SLC25A24: variants seen among roughly 807,000 people sequenced by gnomAD.
SLC25A24 encodes the protein solute carrier family 25 member 24.
In SLC25A24, 49 loss-of-function variants were observed where a neutral mutation model predicts 60.7. The observed-to-expected ratio is 0.81, with a 90% CI of 0.64 to 1.02. SLC25A24 has a LOEUF of 1.02. Ranked by LOEUF, SLC25A24 falls within the 50% of genes least tolerant of loss-of-function variation. The pLI is 0.00. For missense variants in SLC25A24, 564 were observed against 586.3 expected, an observed-to-expected ratio of 0.96 and a Z score of 0.39; for synonymous variants, 202 against 200.6, an observed-to-expected ratio of 1.01 and a Z score of -0.06.
Position 108,155,433 on chromosome 1 carries a change from A to G in SLC25A24, c.670-298T>C, listed in dbSNP as rs111566693. On this transcript the variant is annotated intron_variant, in intron 5 of 9. Transcript: ENST00000565488. ...CAACCTTCATAAGATAATATTAACT[A>G]AATTATGTATCAGGCAATGGAACAC... Among the ~76,000 whole-genome samples the G allele has an allele frequency of 5.5e-3, 836 of 152,186 alleles. 7 individuals are homozygous for G. The highest frequency in any genetic ancestry group is 0.02 in the African/African-American group (818 of 41,528).
At position 108,151,157 on chromosome 1, in the gene SLC25A24, C is replaced by A. The variant is rs575389632; in HGVS notation, c.823-2771G>T. ...CAGAGGTTGCAGTGAGATGAGATTG[C>A]ACCACTTTACTCCAGCCTGGGTGAT... On this transcript the variant is annotated intron_variant, in intron 6 of 9. Coordinates refer to ENST00000565488, the MANE Select transcript of SLC25A24 (RefSeq NM_013386.5). Among the ~76,000 whole-genome samples the A allele has an allele frequency of 5.3e-5, 8 of 152,172 alleles. No individual in the cohort carries two copies. In the East Asian group the frequency reaches 1.5e-3, roughly 29 times the overall value.
At chr1:108,189,923 C>T (rs887107417) in intron 1 of SLC25A24, among the ~76,000 whole-genome samples, 1 of 150,778 alleles carries the variant, frequency 6.6e-6, no homozygotes, top group African/African-American at 2.4e-5. Context: ...TCAATATTAC[C>T]CACAGTTTCA....
chr1:108,163,965 C>A (rs1311766321), intron 3 of SLC25A24, among the ~76,000 whole-genome samples: 1 of 152,182 alleles, frequency 6.6e-6, no homozygotes, highest in Non-Finnish European at 1.5e-5. Flanking sequence ...AGATACATCC[C>A]ATCAATACCT....
intron 8 of SLC25A24, among the ~76,000 whole-genome samples, chr1:108,140,222 G>GCA (rs1203103178): frequency 6.6e-6 from 1 of 151,908 alleles, no homozygotes; most frequent in Non-Finnish European, 1.5e-5. Context: ...TGGAAATCTT[G>GCA]CAGGTTAGAA....
intron 7 of SLC25A24, among the ~76,000 whole-genome samples, chr1:108,148,050 G>A (rs1243969128): frequency 1.3e-5 from 2 of 152,164 alleles, no homozygotes; most frequent in African/African-American, 4.8e-5. Context: ...GAGTGAGCTT[G>A]GAATCCGCCT....
intron 3 of SLC25A24, among the ~76,000 whole-genome samples, chr1:108,161,887 G>A (rs1417154472): frequency 9.9e-5 from 15 of 151,298 alleles, no homozygotes; most frequent in African/African-American, 2.2e-4. Context: ...TTGCTGGTGC[G>A]CTGCACCCAC....
At chr1:108,188,146 A>C (rs1183530901) in intron 1 of SLC25A24, among the ~76,000 whole-genome samples, 2 of 152,008 alleles carry the variant, frequency 1.3e-5, no homozygotes, top group Admixed American at 6.6e-5. Flanking sequence ...AAACACCACA[A>C]GTTCTCACAT....
intron 3 of SLC25A24, among the ~76,000 whole-genome samples, chr1:108,165,092 G>C (rs954457431): frequency 2.8e-5 from 4 of 145,094 alleles, no homozygotes; most frequent in African/African-American, 1.0e-4. Flanking sequence ...TTTCCATGTA[G>C]TTGAGTGGTT....
At chr1:108,146,451 C>T (rs770122659) in intron 7 of SLC25A24, among the ~76,000 whole-genome samples, 7 of 152,164 alleles carry the variant, frequency 4.6e-5, no homozygotes, top group Admixed American at 6.5e-5. Context: ...TCCAATACTA[C>T]GTTGAATAGG....
At position 108,200,222 on chromosome 1, in the gene SLC25A24, G is replaced by T; in HGVS notation, c.-84C>A. 1 of 1,300,762 alleles carries T rather than the reference G, an allele frequency of 7.7e-7. No homozygotes were observed. Among genetic ancestry groups the T allele is most frequent in the Non-Finnish European group, 1.0e-6 (1 of 1,001,538 alleles). 80.6% of individuals were successfully genotyped at this position (1,300,762 alleles called of 1,614,324 possible). ...GCGAGACCGGGACCAGCGCGAGGCC[G>T]GGCTGGGCGGGGCGCGCGGCGCAAC... On this transcript the variant is annotated 5_prime_UTR_variant, in exon 1 of 10. Coordinates refer to ENST00000565488, the MANE Select transcript of SLC25A24 (RefSeq NM_013386.5).
rs567867265 is a variant in SLC25A24 at position 108,199,782 on chromosome 1, G to A, written c.183+174C>T. 4.2e-5 allele frequency: 25 copies of A among 599,736 alleles called. No homozygotes were observed. In the African/African-American group the frequency reaches 4.5e-4, roughly 11 times the overall value. The allele number at this position is 599,736 out of a possible 1,614,324, so 37.2% of individuals were successfully genotyped here. A position where few individuals can be genotyped will look rare whatever the true frequency, so the allele number is the denominator to read the frequency against. ...TATTATGACCCACTTCTGTTACCGG[G>A]GTCGCCGGTCGCGGCCCCACGCCCG... is the stretch of plus-strand genomic sequence containing the variant. On this transcript the variant is annotated intron_variant, in intron 1 of 9. Coordinates refer to ENST00000565488, the MANE Select transcript of SLC25A24 (RefSeq NM_013386.5).
rs1647306570 is a variant in SLC25A24 at position 108,168,470 on chromosome 1, T to C, written c.399-7177A>G. 2.0e-5 allele frequency among the ~76,000 whole-genome samples: 3 copies of C among 152,210 alleles called. No individual in the cohort carries two copies. The South Asian group carries it at 6.2e-4, about 32-fold the overall frequency. On this transcript the variant is annotated intron_variant, in intron 3 of 9. Coordinates refer to ENST00000565488, the MANE Select transcript of SLC25A24 (RefSeq NM_013386.5). ...TTCTAAAACAGTGCCTGCCACTGAG[T>C]ATTTATTGAATAAATAAATGAATTA...
chr1:108,147,894 A>AGT (rs1679649697), intron 7 of SLC25A24, among the ~76,000 whole-genome samples: 1 of 149,470 alleles, frequency 6.7e-6, no homozygotes, highest in Non-Finnish European at 1.5e-5. Context: ...CATCTTAGGC[A>AGT]CTCTCTCTCT....
At chr1:108,158,583 C>A (rs566737181) in intron 4 of SLC25A24, among the ~76,000 whole-genome samples, 182 of 151,798 alleles carry the variant, frequency 1.2e-3, no homozygotes, top group Non-Finnish European at 2.2e-3. Flanking sequence ...TAATCACCAA[C>A]AATTTTATAA....
chr1:108,160,326 G>A (rs1437619899), intron 4 of SLC25A24, among the ~76,000 whole-genome samples: 3 of 151,234 alleles, frequency 2.0e-5, no homozygotes, highest in South Asian at 4.2e-4. Flanking sequence ...GATGGCGGCC[G>A]GGAAGAGGCG....
At chr1:108,170,649 A>G (rs1168755921) in intron 3 of SLC25A24, among the ~76,000 whole-genome samples, 3 of 152,040 alleles carry the variant, frequency 2.0e-5, no homozygotes, top group Non-Finnish European at 2.9e-5. Context: ...GAATTTTAAA[A>G]TGTAGTGACA....
chr1:108,155,930 A>G (rs200365224), intron 5 of SLC25A24, among the ~76,000 whole-genome samples: 1 of 148,746 alleles, frequency 6.7e-6, no homozygotes, highest in Non-Finnish European at 1.5e-5. Context: ...CAGCTCACAT[A>G]AAAGGGGTGA....
At position 108,183,935 on chromosome 1, in the gene SLC25A24, G is replaced by C. The variant is rs376323880; in HGVS notation, c.310+1893C>G. ...GGAAAGTACTGTGAGTATATATTTT[G>C]GGGTTACTTTGGGGATAAATTTTAT... is the stretch of plus-strand genomic sequence containing the variant. On this transcript the variant is annotated intron_variant, in intron 2 of 9. Coordinates refer to ENST00000565488, the MANE Select transcript of SLC25A24 (RefSeq NM_013386.5). Among the ~76,000 whole-genome samples the C allele has an allele frequency of 2.3e-4, 35 of 152,206 alleles. No homozygotes were observed. The East Asian group carries it at 5.8e-3, about 25-fold the overall frequency.
chr1:108,134,651 A>G lies in SLC25A24; in HGVS notation c.*2002T>C, dbSNP rs1679230858. 1 of 152,232 alleles carries G rather than the reference A, an allele frequency of 6.6e-6. No individual in the cohort carries two copies. Among genetic ancestry groups the G allele is most frequent in the African/African-American group, 2.4e-5 (1 of 41,456 alleles). The allele number at this position is 152,232 out of a possible 1,614,324, so 9.4% of individuals were successfully genotyped here. A position where few individuals can be genotyped will look rare whatever the true frequency, so the allele number is the denominator to read the frequency against. On this transcript the variant is annotated 3_prime_UTR_variant, in exon 10 of 10. Transcript: ENST00000565488. ...GCTCAGGAAAGGCCAAAATGTTTGG[A>G]AAGACTACATGGAGCCAGCTGTAAA...
Sources: allele counts gnomAD v4.1 joint callset (sites outside exome capture counted in the v4.1 genomes callset), GRCh38; gene constraint gnomAD v4.1.1; transcripts MANE v1.5; gene names NCBI Gene and HGNC (gene_info 2026-07-23, HGNC 2026-07-21).